The following OGN variants were observed in gnomAD, a reference collection of about 807,000 sequenced individuals.
OGN encodes the protein osteoglycin.
In OGN, 19 loss-of-function variants were observed where a neutral mutation model predicts 30.8. The observed-to-expected ratio is 0.62, with a 90% CI of 0.43 to 0.90. OGN has a LOEUF of 0.90. OGN is among the 40% of genes least tolerant of loss of function. OGN has a pLI of 0.00. For synonymous variants in OGN, 126 were observed against 128.3 expected, an observed-to-expected ratio of 0.98 and a Z score of 0.12; for missense variants, 283 against 349.7, an observed-to-expected ratio of 0.81 and a Z score of 1.52.
chr9:92,388,875 C>T (rs1842551163), intron 5 of OGN, among the ~76,000 whole-genome samples: 1 of 150,756 alleles, frequency 6.6e-6, no homozygotes, highest in African/African-American at 2.4e-5. Context: ...AAAAAGTCCT[C>T]TAAGAGTCCC....
At chr9:92,399,636 G>A (rs1459208662) in intron 3 of OGN, among the ~76,000 whole-genome samples, 5 of 152,026 alleles carry the variant, frequency 3.3e-5, no homozygotes, top group Non-Finnish European at 7.4e-5. Context: ...GTACTTGTAC[G>A]ATTTCATTTT....
In OGN at chr9:92,386,776, G is replaced by A. The variant is rs530910194; in HGVS notation, c.631-480C>T. ...CTTGTATGTTTTTAGTAGAGACGAG[G>A]TTTCACCATGTTGGCTGGTATGGTA... is the stretch of plus-strand genomic sequence containing the variant. On this transcript the variant is annotated intron_variant, in intron 5 of 6. Coordinates refer to ENST00000375561, the MANE Select transcript of OGN (RefSeq NM_014057.5). 4.6e-3 allele frequency among the ~76,000 whole-genome samples: 704 copies of A among 152,108 alleles called. 5 individuals are homozygous for A. Among genetic ancestry groups the A allele is most frequent in the Non-Finnish European group, 7.4e-3 (500 of 67,996 alleles).
At chr9:92,403,541 C>G in intron 1 of OGN, 59 bp from the exon 2 acceptor site, 3 of 1,398,804 alleles carry the variant, frequency 2.1e-6, no homozygotes, top group Non-Finnish European at 2.8e-6. Flanking sequence ...GATGTTTTGG[C>G]AGGGTGTGCG....
At position 92,384,870 on chromosome 9, in the gene OGN, T is replaced by C. The variant is rs1465322166; in HGVS notation, c.*750A>G. 3 of 152,488 alleles carry C rather than the reference T, an allele frequency of 2.0e-5. No individual in the cohort carries two copies. The highest frequency in any genetic ancestry group is 2.9e-5 in the Non-Finnish European group (2 of 68,006). The allele number at this position is 152,488 out of a possible 1,614,324, so 9.4% of individuals were successfully genotyped here. On this transcript the variant is annotated 3_prime_UTR_variant, in exon 7 of 7. Transcript: ENST00000375561. Reference sequence around the variant, plus strand: ...AAATGGATGAACTTTTCATTATTTCTTATAAGCATATTGGTTTTGGCCTGC... The same window carrying C: ...AAATGGATGAACTTTTCATTATTTCCTATAAGCATATTGGTTTTGGCCTGC...
chr9:92,402,970 G>C (rs1428584682), intron 2 of OGN, among the ~76,000 whole-genome samples: 1 of 152,100 alleles, frequency 6.6e-6, no homozygotes, highest in African/African-American at 2.4e-5. Flanking sequence ...ACTGGTGAGG[G>C]ATCATCTTAA....
intron 3 of OGN, among the ~76,000 whole-genome samples, chr9:92,397,179 A>C (rs534951414): frequency 1.1e-4 from 16 of 152,214 alleles, no homozygotes; most frequent in East Asian, 9.7e-4. Context: ...CCTGTCTAAA[A>C]AAACAAACAA....
At chr9:92,391,416 A>AT (rs1842680642) in intron 4 of OGN, among the ~76,000 whole-genome samples, 1 of 151,866 alleles carries the variant, frequency 6.6e-6, no homozygotes, top group Non-Finnish European at 1.5e-5. Flanking sequence ...CAAAAAATAA[A>AT]TAAATTAAAT....
At position 92,398,922 on chromosome 9, in the gene OGN, C is replaced by A. The variant is rs1208855692; in HGVS notation, c.268+2170G>T. On this transcript the variant is annotated intron_variant, in intron 3 of 6. Transcript: ENST00000375561. ...CTAAAAATACAATAAATTAGCCTGG[C>A]GTGGTGGCGCGTGCCTGTAATCCCA... Among the ~76,000 whole-genome samples, 4 of 151,872 alleles carry A rather than the reference C, an allele frequency of 2.6e-5. No homozygotes were observed. The East Asian group carries it at 7.7e-4, about 29-fold the overall frequency.
chr9:92,403,192 G>T, intron 2 of OGN, 42 bp downstream of exon 2: 1 of 1,329,584 alleles, frequency 7.5e-7, no homozygotes, highest in Non-Finnish European at 1.0e-6. Flanking sequence ...CATTTAAATG[G>T]GCAGTATTTT....
At chr9:92,389,691 A>T in intron 5 of OGN, 163 bp downstream of exon 5, 1 of 553,382 alleles carries the variant, frequency 1.8e-6, no homozygotes, top group Non-Finnish European at 3.2e-6. Context: ...AGCTAGGCTG[A>T]ATGAGCCTAA....
chr9:92,390,929 A>C (rs1335727039), intron 4 of OGN, among the ~76,000 whole-genome samples: 4 of 151,988 alleles, frequency 2.6e-5, no homozygotes, highest in Non-Finnish European at 5.9e-5. Flanking sequence ...GTGCTTGGGG[A>C]TGTTAGACGT....
At chr9:92,403,528 G>C (rs957204343) in intron 1 of OGN, 46 bp from the exon 2 acceptor site, 59 of 1,420,862 alleles carry the variant, frequency 4.2e-5, no homozygotes, top group Non-Finnish European at 5.2e-5. Context: ...TAAAAGCTTA[G>C]AGGATGTTTT....
intron 5 of OGN, chr9:92,389,548 G>GT (rs1175169375): frequency 1.5e-5 from 3 of 203,774 alleles, no homozygotes; most frequent in African/African-American, 6.9e-5. Context: ...TTCGTAGACT[G>GT]TAAGTGTCAT....
chr9:92,383,495 A>G lies in OGN; in HGVS notation c.*2125T>C, dbSNP rs1212249087. ...CAGCAATGTTAGTAAAAAGTAAATC[A>G]TTTAAAAATTTAAAGCCTCTAATTA... On this transcript the variant is annotated 3_prime_UTR_variant, in exon 7 of 7. Transcript: ENST00000375561. 6.6e-6 allele frequency among the ~76,000 whole-genome samples: 1 copy of G among 152,180 alleles called. No homozygotes were observed. Among genetic ancestry groups the G allele is most frequent in the Non-Finnish European group, 1.5e-5 (1 of 68,024 alleles).
intron 4 of OGN, among the ~76,000 whole-genome samples, chr9:92,391,232 T>TA (rs1445869665): frequency 1.4e-5 from 2 of 142,374 alleles, no homozygotes; most frequent in Admixed American, 7.0e-5. Context: ...CCATCTCTAC[T>TA]AAAAATACCA....
chr9:92,391,615 C>CA (rs1285620835), intron 4 of OGN, among the ~76,000 whole-genome samples: 2 of 151,806 alleles, frequency 1.3e-5, no homozygotes, highest in African/African-American at 4.8e-5. Context: ...AAAAACCCCC[C>CA]AAAAAACAAA....
At chr9:92,403,208 C>G (rs778222595) in intron 2 of OGN, 26 bp downstream of exon 2, 81 of 1,470,036 alleles carry the variant, frequency 5.5e-5, no homozygotes, top group Non-Finnish European at 7.1e-5. Context: ...ATTTTAGAAG[C>G]TAAATTTAGA....
chr9:92,397,736 A>G (rs990803883), intron 3 of OGN, among the ~76,000 whole-genome samples: 8 of 152,234 alleles, frequency 5.3e-5, no homozygotes, highest in Non-Finnish European at 1.2e-4. Flanking sequence ...TTCAGCAGAG[A>G]GAGCTAGGAA....
At chr9:92,398,544 GT>G (rs1056643997) in intron 3 of OGN, among the ~76,000 whole-genome samples, 2 of 146,188 alleles carry the variant, frequency 1.4e-5, no homozygotes, top group Non-Finnish European at 3.0e-5. Flanking sequence ...TTTGCACTTT[GT>G]TTTTTTTTTC....
Sources: gnomAD v4.1 joint callset for allele counts (sites outside exome capture counted in the v4.1 genomes callset) on GRCh38, gnomAD v4.1.1 for gene constraint, MANE v1.5 for transcripts, NCBI Gene and HGNC (gene_info 2026-07-23, HGNC 2026-07-21) for gene names.